Variants in NPC1 observed in about 807,000 individuals in gnomAD.
The protein encoded by NPC1 is Niemann-Pick C1 protein.
A neutral mutation model predicts 140.4 loss-of-function variants in NPC1; 85 were observed. That is an observed-to-expected ratio of 0.61 (90% CI 0.51 to 0.72). The LOEUF is 0.72. Among genes scored for constraint, NPC1 ranks in the 30% least tolerant of loss-of-function variants. The pLI, the probability that NPC1 is intolerant of heterozygous loss-of-function variation, is 0.00. For missense variants in NPC1, 1,504 were observed against 1,623.8 expected (o/e 0.93, Z 1.27); for synonymous variants, 656 against 624.8 (o/e 1.05, Z -0.74).
downstream of NPC1, chr18:23,531,401 T>G: frequency 1.2e-6 from 1 of 843,172 alleles, no homozygotes. Flanking sequence ...TAGCTCAATG[T>G]AAGACGGCAT....
At chr18:23,543,347 G>GAAAAAAAAAAAAAGAAAAAAAAAAAAAA (rs2058738389) in intron 14 of NPC1, 108 bp downstream of exon 14, 1 of 302,166 alleles carries the variant, frequency 3.3e-6, no homozygotes, top group African/African-American at 3.0e-5. Flanking sequence ...AAAAAAAAAA[G>GAAAAAAAAAAAAAGAAAAAAAAAAAAAA]AAAAAAAAAA....
downstream of NPC1, among the ~76,000 whole-genome samples, chr18:23,518,410 C>T (rs1332173332): frequency 6.6e-6 from 1 of 152,016 alleles, no homozygotes; most frequent in Non-Finnish European, 1.5e-5. Flanking sequence ...GGGAAGATCG[C>T]CAAAGCCTAG....
chr18:23,529,485 G>A, downstream of NPC1: 1 of 1,245,274 alleles, frequency 8.0e-7, no homozygotes, highest in Non-Finnish European at 1.1e-6. Context: ...ATTGTTGACG[G>A]GTGGTTCTGG....
intron 3 of NPC1, chr18:23,506,876 C>T: frequency 1.2e-6 from 1 of 859,980 alleles, no homozygotes. Context: ...AATTTGCTGC[C>T]TCCTGAATAT....
chr18:23,569,948 C>G (rs901090803), intron 3 of NPC1, among the ~76,000 whole-genome samples: 1 of 152,220 alleles, frequency 6.6e-6, no homozygotes, highest in African/African-American at 2.4e-5. Context: ...TTTCATTAGA[C>G]TTGCATTCTT....
intron 22 of NPC1, 78 bp from the exon 23 acceptor site, chr18:23,534,637 T>G (rs2058598794): frequency 1.7e-6 from 2 of 1,165,510 alleles, no homozygotes; most frequent in Admixed American, 3.9e-5. Context: ...TGAGGATGGG[T>G]GCTAATTACC....
rs55724504 is a variant in NPC1, at chr18:23,534,476, C to T, written c.3561G>A (p.Ala1187=). The change falls in exon 23 of 25, where the codon GCG becomes GCA. Residue 1187 remains alanine (A), a synonymous_variant. Transcript: ENST00000269228. ...TGCCCATGTGGGCAAGTGCCTCTTC[C>T]GCGCGCTCCACGCGGCTGCCTTTCA... ...VSMKGSRVER[A]EEALAHMGSS... 702 of 1,613,750 alleles carry T rather than the reference C, an allele frequency of 4.4e-4. No individual in the cohort carries two copies. Among genetic ancestry groups the T allele is most frequent in the Non-Finnish European group, 5.7e-4 (672 of 1,179,994 alleles).
At chr18:23,518,042 A>G (rs908716596), downstream of NPC1, among the ~76,000 whole-genome samples, 1 of 152,226 alleles carries the variant, frequency 6.6e-6, no homozygotes, top group Admixed American at 6.5e-5. Context: ...GACAATAGAT[A>G]AAGTGAGAGC....
At chr18:23,570,437 C>CCTTT (rs1429556179) in intron 3 of NPC1, among the ~76,000 whole-genome samples, 24 of 152,182 alleles carry the variant, frequency 1.6e-4, no homozygotes, top group Non-Finnish European at 3.4e-4. Context: ...TGTTCACAAG[C>CCTTT]CTTTCATAGG....
Position 23,544,950 on chromosome 18 carries a change from C to CCCCCCCT in NPC1, c.1947+9_1947+10insAGGGGGG. Reference sequence around the variant, plus strand: ...ACCTCTAGAACATACACCACCCCCCCCCGGCTTACCAGAAGCCTGCGACAG... The same window carrying CCCCCCCT: ...ACCTCTAGAACATACACCACCCCCCCCCCCCCTCCGGCTTACCAGAAGCCTGCGACAG... On this transcript the variant is annotated intron_variant, in intron 12 of 24. Coordinates refer to ENST00000269228, the MANE Select transcript of NPC1 (RefSeq NM_000271.5). The CCCCCCCT allele has an allele frequency of 1.4e-6, 2 of 1,415,990 alleles. No homozygotes were observed. Among genetic ancestry groups the CCCCCCCT allele is most frequent in the Admixed American group, 3.5e-5 (2 of 57,426 alleles). 87.7% of individuals were successfully genotyped at this position (1,415,990 alleles called of 1,614,324 possible). A position where few individuals can be genotyped will look rare whatever the true frequency, so the allele number is the denominator to read the frequency against.
At chr18:23,533,796 G>A (rs1474344162) in intron 23 of NPC1, 5 of 448,576 alleles carry the variant, frequency 1.1e-5, no homozygotes, top group African/African-American at 6.0e-5. Context: ...ATGAGCCACC[G>A]TGGCCAGCCC....
At chr18:23,526,549 C>A (rs2058302849), downstream of NPC1, 1 of 1,500,750 alleles carries the variant, frequency 6.7e-7, no homozygotes, top group Non-Finnish European at 9.0e-7. Context: ...CACCTGCCAC[C>A]CGCCCCGCAG....
At chr18:23,571,232 TAAAAA>T in intron 3 of NPC1, among the ~76,000 whole-genome samples, 1 of 147,114 alleles carries the variant, frequency 6.8e-6, no homozygotes, top group African/African-American at 2.5e-5. Flanking sequence ...AAACTGACTT[TAAAAA>T]AAAAAAAAAA....
At position 23,540,498 on chromosome 18, in the gene NPC1, C is replaced by A. The variant is rs772967371; in HGVS notation, c.2554G>T (p.Val852Phe). Residue 852 changes from valine to phenylalanine, a missense_variant, in exon 17 of 25, where the codon GTC becomes TTC. Val to Phe is a conservative substitution (Grantham distance 50). Coordinates refer to ENST00000269228, the MANE Select transcript of NPC1 (RefSeq NM_000271.5). Reference sequence around the variant, plus strand: ...AATCCAATATCTACTTTGTTCAGGACTGCGATGCTGAATGACAGAACACCC... The same window carrying A: ...AATCCAATATCTACTTTGTTCAGGAATGCGATGCTGAATGACAGAACACCC... ...FVGVLSFSIA[V>F]LNKVDIGLDQ... is the part of the protein sequence containing the mutation. The A allele has an allele frequency of 6.2e-7, 1 of 1,612,888 alleles. No homozygotes were observed. The highest frequency in any genetic ancestry group is 2.2e-5 in the East Asian group (1 of 44,872).
intron 3 of NPC1, chr18:23,509,332 G>C: frequency 1.2e-6 from 1 of 861,524 alleles, no homozygotes; most frequent in Non-Finnish European, 1.7e-6. Context: ...ATAGCATTCT[G>C]GCAGCCTTTT....
chr18:23,579,673 G>A (rs1250153171), intron 1 of NPC1, among the ~76,000 whole-genome samples: 1 of 152,056 alleles, frequency 6.6e-6, no homozygotes, highest in African/African-American at 2.4e-5. Context: ...GGCAGATCAC[G>A]AGGTCAGGAG....
At chr18:23,573,424 T>C in intron 2 of NPC1, 28 bp downstream of exon 2, 1 of 1,614,044 alleles carries the variant, frequency 6.2e-7, no homozygotes, top group Non-Finnish European at 8.5e-7. Context: ...GCATTTTGTG[T>C]TCCCAGTGCC....
intron 12 of NPC1, among the ~76,000 whole-genome samples, 182 bp from the exon 13 acceptor site, chr18:23,544,708 G>C (rs2058759621): frequency 6.6e-6 from 1 of 152,184 alleles, no homozygotes; most frequent in East Asian, 1.9e-4. Flanking sequence ...CATGTTATGA[G>C]TTTGCATTCT....
chr18:23,557,008 G>A (rs1207093882), intron 7 of NPC1, 109 bp downstream of exon 7: 24 of 921,904 alleles, frequency 2.6e-5, no homozygotes, highest in East Asian at 1.3e-4. Context: ...CCGTGTCCTC[G>A]GCACTGGCAC....
Sources: allele counts gnomAD v4.1 joint callset (sites outside exome capture counted in the v4.1 genomes callset), GRCh38; gene constraint gnomAD v4.1.1; transcripts MANE v1.5; gene names NCBI Gene and HGNC (gene_info 2026-07-23, HGNC 2026-07-21).